The following KMT2C variants were observed in gnomAD, a reference collection of about 807,000 sequenced individuals.
KMT2C encodes the protein histone-lysine N-methyltransferase 2C.
A neutral mutation model predicts 507.9 loss-of-function variants in KMT2C; 88 were observed. That is an observed-to-expected ratio of 0.17 (90% CI 0.15 to 0.21). The LOEUF is 0.21. KMT2C is among the 10% of genes least tolerant of loss of function. The pLI, the probability that KMT2C is intolerant of heterozygous loss-of-function variation, is 1.00. For missense variants in KMT2C, 4,954 were observed against 5,957.8 expected (o/e 0.83, Z 5.55); for synonymous variants, 2,049 against 2,080.8 (o/e 0.98, Z 0.42).
At chr7:152,397,926 GTCTTTA>G (rs2097546960) in intron 1 of KMT2C, among the ~76,000 whole-genome samples, 1 of 152,158 alleles carries the variant, frequency 6.6e-6, no homozygotes, top group Admixed American at 6.6e-5. Flanking sequence ...CCTTGGGTAT[GTCTTTA>G]TCAGCAGTAA....
chr7:152,314,265 T>C (rs1399360951), intron 4 of KMT2C, among the ~76,000 whole-genome samples: 1 of 152,170 alleles, frequency 6.6e-6, no homozygotes, highest in East Asian at 1.9e-4. Context: ...AATGATTTAG[T>C]ACTTAAATTT....
Position 152,156,393 on chromosome 7 carries a change from G to A in KMT2C, c.11671-47C>T, listed in dbSNP as rs1411637478. ...AAATTATATGCTACTGAGCGAATATGCAATGACCTTGCTAAAACGTAGTTC... is the reference window on the plus strand; with the variant it reads ...AAATTATATGCTACTGAGCGAATATACAATGACCTTGCTAAAACGTAGTTC... On this transcript the variant is annotated intron_variant, in intron 44 of 58. Coordinates refer to ENST00000262189, the MANE Select transcript of KMT2C (RefSeq NM_170606.3). The A allele has an allele frequency of 1.9e-6, 3 of 1,597,268 alleles. No homozygotes were observed. In the South Asian group the frequency reaches 3.4e-5, roughly 18 times the overall value.
chr7:152,288,273 C>A (rs2096343758), intron 6 of KMT2C, among the ~76,000 whole-genome samples: 1 of 148,800 alleles, frequency 6.7e-6, no homozygotes, highest in Non-Finnish European at 1.5e-5. Flanking sequence ...GTCGCTCAGG[C>A]CTGTAATCCT....
Position 152,162,575 on chromosome 7 carries a change from T to C in KMT2C, c.11002A>G (p.Thr3668Ala). 6.2e-7 allele frequency: 1 copy of C among 1,614,136 alleles called. No homozygotes were observed. ...QESVEPVGPS[T>A]PNMAAGQLCT... The stretch of plus-strand genomic sequence containing the variant: ...AGCTGGCCTGCTGCCATATTGGGAG[T>C]GGATGGGCCGACTGGTTCCACCGAC... Residue 3668 changes from threonine to alanine, a missense_variant, in exon 43 of 59, where the codon ACT (threonine) becomes GCT (alanine). Thr to Ala is a moderately conservative substitution (Grantham distance 58, BLOSUM62 0). Coordinates refer to ENST00000262189, the MANE Select transcript of KMT2C (RefSeq NM_170606.3).
At chr7:152,289,796 C>T (rs1240274524) in intron 6 of KMT2C, among the ~76,000 whole-genome samples, 1 of 152,074 alleles carries the variant, frequency 6.6e-6, no homozygotes, top group African/African-American at 2.4e-5. Context: ...GGCAAGGTGG[C>T]TCACACTTGT....
At chr7:152,253,828 T>C (rs373265618) in intron 9 of KMT2C, among the ~76,000 whole-genome samples, 1 of 152,108 alleles carries the variant, frequency 6.6e-6, no homozygotes, top group Non-Finnish European at 1.5e-5. Context: ...CTTACCAAAT[T>C]AGAATTGTTT....
chr7:152,255,124 T>TATATAC (rs1554583731), intron 9 of KMT2C, among the ~76,000 whole-genome samples: 6 of 113,238 alleles, frequency 5.3e-5, no homozygotes, highest in Non-Finnish European at 1.0e-4. Context: ...TATATATATA[T>TATATAC]ATATATATAT....
chr7:152,374,899 A>G (rs2129243736), intron 1 of KMT2C, among the ~76,000 whole-genome samples: 1 of 152,168 alleles, frequency 6.6e-6, no homozygotes, highest in East Asian at 1.9e-4. Flanking sequence ...AAAAAAAAAA[A>G]AATTGAAGAG....
intron 1 of KMT2C, among the ~76,000 whole-genome samples, chr7:152,408,714 C>T (rs993328759): frequency 3.3e-5 from 5 of 151,906 alleles, no homozygotes; most frequent in Non-Finnish European, 5.9e-5. Flanking sequence ...CCATCCACTC[C>T]GTGCTCCCCC....
chr7:152,173,985 A>G (rs2093078980), intron 39 of KMT2C, 146 bp downstream of exon 39: 2 of 501,358 alleles, frequency 4.0e-6, no homozygotes, highest in Non-Finnish European at 7.0e-6. Flanking sequence ...GTATCTGATC[A>G]TATCGAGCTG....
chr7:152,326,602 C>T (rs544547955), intron 3 of KMT2C, among the ~76,000 whole-genome samples: 68 of 152,152 alleles, frequency 4.5e-4, no homozygotes, highest in Non-Finnish European at 6.6e-4. Context: ...AAATTCAGGC[C>T]GGGGACGGTG....
In KMT2C at chr7:152,176,750, A is replaced by G; in HGVS notation, c.8703T>C (p.Pro2901=). Residue 2901 remains proline (P), a synonymous_variant, in exon 38 of 59, where the codon CCT becomes CCC. Transcript: ENST00000262189. ...ANVIQASTQL[P]AQDVINSCGI... Reference sequence around the variant, plus strand: ...CACAAGAGTTTATTACATCTTGAGCAGGTAGTTGAGTGGATGCCTGAATGA... The same window carrying G: ...CACAAGAGTTTATTACATCTTGAGCGGGTAGTTGAGTGGATGCCTGAATGA... 1 of 1,614,204 alleles carries G rather than the reference A, an allele frequency of 6.2e-7. No individual in the cohort carries two copies. Among genetic ancestry groups the G allele is most frequent in the Admixed American group, 1.7e-5 (1 of 60,032 alleles).
At chr7:152,388,361 C>T (rs1160845328) in intron 1 of KMT2C, among the ~76,000 whole-genome samples, 1 of 151,962 alleles carries the variant, frequency 6.6e-6, no homozygotes, top group Non-Finnish European at 1.5e-5. Context: ...GAGTTCAAGA[C>T]CAGACTTGTC....
In KMT2C at chr7:152,182,274, A is replaced by T; in HGVS notation, c.5586T>A (p.Ile1862=). The T allele has an allele frequency of 6.2e-7, 1 of 1,614,076 alleles. No homozygotes were observed. The highest frequency in any genetic ancestry group is 8.5e-7 in the Non-Finnish European group (1 of 1,179,994). The change falls in exon 36 of 59, where the codon ATT becomes ATA. Residue 1862 remains isoleucine, a synonymous_variant. Coordinates refer to ENST00000262189, the MANE Select transcript of KMT2C (RefSeq NM_170606.3). Reference sequence around the variant, plus strand: ...CCTGAGAAAGACTATCCTGGATGGGAATCCGGGATGGGGCTGGAGGAGGAG... The same window carrying T: ...CCTGAGAAAGACTATCCTGGATGGGTATCCGGGATGGGGCTGGAGGAGGAG... The part of the protein sequence containing the change: ...APPPPPAPSR[I]PIQDSLSQAQ...
intron 16 of KMT2C, among the ~76,000 whole-genome samples, chr7:152,231,623 A>C (rs1405303757): frequency 6.6e-6 from 1 of 151,006 alleles, no homozygotes; most frequent in African/African-American, 2.4e-5. Context: ...TCTACCAAAA[A>C]TACAAAAAAC....
intron 1 of KMT2C, among the ~76,000 whole-genome samples, chr7:152,377,764 G>C (rs917091144): frequency 1.3e-5 from 2 of 150,498 alleles, no homozygotes; most frequent in African/African-American, 4.9e-5. Flanking sequence ...AGTGATTCCT[G>C]TAGTAGATTT....
intron 23 of KMT2C, among the ~76,000 whole-genome samples, chr7:152,213,352 T>C (rs1320208460): frequency 6.6e-6 from 1 of 152,182 alleles, no homozygotes; most frequent in African/African-American, 2.4e-5. Context: ...AGTATGGTAC[T>C]GGCATAAAAA....
chr7:152,210,309 C>T (rs2094425164), intron 23 of KMT2C, among the ~76,000 whole-genome samples: 1 of 152,178 alleles, frequency 6.6e-6, no homozygotes, highest in African/African-American at 2.4e-5. Flanking sequence ...CGACAAGCAC[C>T]ACCACATACA....
intron 1 of KMT2C, among the ~76,000 whole-genome samples, chr7:152,360,651 TG>T (rs1379348772): frequency 6.6e-6 from 1 of 151,538 alleles, no homozygotes; most frequent in African/African-American, 2.4e-5. Context: ...CTGACCAACA[TG>T]GAGAAACCCC....
Sources: gnomAD v4.1 joint callset for allele counts (sites outside exome capture counted in the v4.1 genomes callset) on GRCh38, gnomAD v4.1.1 for gene constraint, MANE v1.5 for transcripts, NCBI Gene and HGNC (gene_info 2026-07-23, HGNC 2026-07-21) for gene names.